CUX1: variants seen among roughly 807,000 people sequenced by gnomAD.
CUX1 encodes the protein protein CASP.
CUX1 carries 31 observed loss-of-function variants against 158.8 expected under a neutral mutation model. That is an observed-to-expected ratio of 0.20 (90% CI 0.15 to 0.26). The LOEUF is 0.26. Among genes scored for constraint, CUX1 ranks in the 10% least tolerant of loss-of-function variants. The pLI, the probability that CUX1 is intolerant of heterozygous loss-of-function variation, is 1.00. For missense variants in CUX1, 1,589 were observed against 2,014.6 expected (o/e 0.79, Z 4.04); for synonymous variants, 879 against 862.1 (o/e 1.02, Z -0.34).
intron 20 of CUX1, among the ~76,000 whole-genome samples, chr7:102,281,357 A>G (rs539543903): frequency 6.6e-5 from 10 of 151,646 alleles, no homozygotes; most frequent in Admixed American, 6.6e-4. Flanking sequence ...CTTGTCTAAA[A>G]AAACGTTTTT....
At chr7:102,185,185 C>A (rs892271726) in intron 11 of CUX1, among the ~76,000 whole-genome samples, 2 of 152,222 alleles carry the variant, frequency 1.3e-5, no homozygotes, top group Non-Finnish European at 2.9e-5. Flanking sequence ...TAGCCAGATT[C>A]AACCCCACCT....
At chr7:101,958,723 G>A (rs1440068228) in intron 2 of CUX1, among the ~76,000 whole-genome samples, 1 of 151,372 alleles carries the variant, frequency 6.6e-6, no homozygotes, top group Non-Finnish European at 1.5e-5. Context: ...TAAGCAGTCT[G>A]CCCACTTCAG....
chr7:101,970,284 C>T (rs1019977877), intron 2 of CUX1, among the ~76,000 whole-genome samples: 8 of 152,142 alleles, frequency 5.3e-5, no homozygotes, highest in Admixed American at 2.6e-4. Flanking sequence ...CATAGAGAAA[C>T]GGCTGGCCTT....
intron 7 of CUX1, among the ~76,000 whole-genome samples, chr7:102,113,584 GTC>G (rs1169528194): frequency 2.6e-5 from 4 of 151,904 alleles, no homozygotes; most frequent in Non-Finnish European, 5.9e-5. Flanking sequence ...TAGAGACATG[GTC>G]TCTCTCTGTC....
At chr7:102,274,234 T>C in intron 15 of CUX1, 1 of 1,612,732 alleles carries the variant, frequency 6.2e-7, no homozygotes, top group South Asian at 1.1e-5. Flanking sequence ...TCGCTTCCTG[T>C]CACCTGCAGG....
At chr7:102,003,589 G>C (rs1029310882) in intron 2 of CUX1, among the ~76,000 whole-genome samples, 1 of 152,144 alleles carries the variant, frequency 6.6e-6, no homozygotes, top group Non-Finnish European at 1.5e-5. Flanking sequence ...TCTCCCCGGG[G>C]TCAGGGGCCT....
chr7:101,872,322 C>CGGG (rs1245736009), intron 1 of CUX1, among the ~76,000 whole-genome samples: 1 of 151,748 alleles, frequency 6.6e-6, no homozygotes, highest in Non-Finnish European at 1.5e-5. Context: ...TTAGTAGAGA[C>CGGG]GGGGTTTCAC....
intron 1 of CUX1, among the ~76,000 whole-genome samples, chr7:101,868,261 T>A (rs921013099): frequency 2.6e-5 from 4 of 152,184 alleles, no homozygotes; most frequent in Non-Finnish European, 5.9e-5. Context: ...TCTGTAGAGT[T>A]AAAACCTGTT....
chr7:102,280,991 G>C (rs1792025849), intron 20 of CUX1: 2 of 773,466 alleles, frequency 2.6e-6, no homozygotes, highest in Admixed American at 2.1e-5. Flanking sequence ...TGTGATCTGG[G>C]ACAGGGTCTC....
intron 2 of CUX1, among the ~76,000 whole-genome samples, chr7:101,978,471 G>C (rs1812996685): frequency 6.6e-6 from 1 of 152,242 alleles, no homozygotes; most frequent in African/African-American, 2.4e-5. Flanking sequence ...GCTACACGCT[G>C]TCACCTTGGC....
rs538623663 is a variant in CUX1, at chr7:102,128,908, G to T, written c.674+13635G>T. 7.9e-5 allele frequency among the ~76,000 whole-genome samples: 12 copies of T among 152,088 alleles called. No individual in the cohort carries two copies. In the South Asian group the frequency reaches 2.3e-3, roughly 29 times the overall value. ...TAGAAGAATCACTTGAACTGGGGAG[G>T]TGGAGGTTGCAGTGAGCTGAGATCC... On this transcript the variant is annotated intron_variant, in intron 8 of 23. Transcript: ENST00000292535.
chr7:101,858,821 A>G (rs1033100970), intron 1 of CUX1, among the ~76,000 whole-genome samples: 7 of 152,004 alleles, frequency 4.6e-5, no homozygotes, highest in Non-Finnish European at 8.8e-5. Flanking sequence ...ACTCGCTACC[A>G]TGCTCGGCTA....
At chr7:101,871,670 G>A (rs964450785) in intron 1 of CUX1, among the ~76,000 whole-genome samples, 7 of 152,182 alleles carry the variant, frequency 4.6e-5, no homozygotes, top group African/African-American at 1.2e-4. Flanking sequence ...AGTAAGGGTG[G>A]TGGTGGCATG....
At chr7:101,976,790 TCA>T (rs1812738523) in intron 2 of CUX1, among the ~76,000 whole-genome samples, 1 of 152,028 alleles carries the variant, frequency 6.6e-6, no homozygotes, top group Non-Finnish European at 1.5e-5. Flanking sequence ...TCCTGCTCTG[TCA>T]CAGTTCAGGG....
chr7:102,166,508 G>A (rs1324459881), intron 9 of CUX1, among the ~76,000 whole-genome samples: 7 of 152,172 alleles, frequency 4.6e-5, no homozygotes, highest in African/African-American at 1.7e-4. Flanking sequence ...TAGAAACACA[G>A]CTACAGCTGG....
chr7:102,194,129 A>G (rs1794557117), intron 13 of CUX1: 1 of 584,670 alleles, frequency 1.7e-6, no homozygotes, highest in Admixed American at 2.7e-5. Flanking sequence ...CTGGGGATGA[A>G]CAAGGGATTG....
chr7:101,911,274 T>TTGGC, intron 1 of CUX1, among the ~76,000 whole-genome samples: 1 of 150,454 alleles, frequency 6.6e-6, no homozygotes. Context: ...TTGGCCTTGG[T>TTGGC]CCTGCCGTGG....
chr7:102,112,396 C>A (rs1203158760), intron 7 of CUX1, among the ~76,000 whole-genome samples: 1 of 116,662 alleles, frequency 8.6e-6, no homozygotes, highest in Non-Finnish European at 1.8e-5. Flanking sequence ...CGCCCACCAC[C>A]ATGCCTGGCT....
intron 1 of CUX1, among the ~76,000 whole-genome samples, chr7:101,838,540 G>T (rs773685918): frequency 2.2e-4 from 33 of 151,202 alleles, no homozygotes; most frequent in Non-Finnish European, 4.1e-4. Flanking sequence ...GGTAGCTCAC[G>T]CCTGTTATCC....
Sources: allele counts gnomAD v4.1 joint callset (sites outside exome capture counted in the v4.1 genomes callset), GRCh38; gene constraint gnomAD v4.1.1; transcripts MANE v1.5; gene names NCBI Gene and HGNC (gene_info 2026-07-23, HGNC 2026-07-21).